The following METTL17 variants were observed in gnomAD, a reference collection of about 807,000 sequenced individuals.
The protein encoded by METTL17 is ribosome assembly protein METTL17, mitochondrial.
METTL17 carries 49 observed loss-of-function variants against 59.4 expected under a neutral mutation model. That is an observed-to-expected ratio of 0.82 (90% CI 0.66 to 1.05). The LOEUF is 1.05. METTL17 is among the 50% of genes least tolerant of loss of function. METTL17 has a pLI of 0.00. For synonymous variants in METTL17, 208 were observed against 209.2 expected (o/e 0.99, Z 0.05); for missense variants, 555 against 578.4 (o/e 0.96, Z 0.41).
chr14:20,995,896 T>C lies in METTL17; in HGVS notation c.946-5T>C. ...CTTTATTTCTTTTATTTCCTTTGAT[T>C]TCAGGGAAAAGAGAAGTCACCTTTG... On this transcript the variant is annotated splice_polypyrimidine_tract_variant and splice_region_variant and intron_variant, in intron 10 of 13. Transcript: ENST00000339374. The C allele has an allele frequency of 5.6e-6, 9 of 1,613,932 alleles. No homozygotes were observed. The highest frequency in any genetic ancestry group is 1.1e-5 in the South Asian group (1 of 91,076).
rs1321281227 is a variant in METTL17, at chr14:20,996,585, A to G, written c.1139A>G (p.Glu380Gly). ...GTGATCCTTGCTCGGGGGTCTCCAGAGGAGGCTCATCGCTGGCCCCGTATC... is the reference window on the plus strand; with the variant it reads ...GTGATCCTTGCTCGGGGGTCTCCAGGGGAGGCTCATCGCTGGCCCCGTATC... ...SMVILARGSP[E>G]EAHRWPRITQ... is the part of the protein sequence containing the mutation. Residue 380 changes from glutamate to glycine, a missense_variant, in exon 13 of 14, where the codon GAG becomes GGG. Physicochemically the swap from Glu to Gly is moderately conservative, Grantham distance 98 (BLOSUM62 -2). Coordinates refer to ENST00000339374, the MANE Select transcript of METTL17 (RefSeq NM_022734.3). The G allele has an allele frequency of 1.2e-6, 2 of 1,614,130 alleles. No individual in the cohort carries two copies. The highest frequency in any genetic ancestry group is 1.7e-6 in the Non-Finnish European group (2 of 1,180,056).
chr14:20,996,003 C>T (rs1428924142), intron 11 of METTL17, 52 bp downstream of exon 11: 1 of 1,587,038 alleles, frequency 6.3e-7, no homozygotes, highest in African/African-American at 1.3e-5. Context: ...TTAGGCGTGG[C>T]CGGGAAATGT....
In METTL17 at chr14:20,994,576, G is replaced by C. The variant is rs1206323751; in HGVS notation, c.731G>C (p.Gly244Ala). The C allele has an allele frequency of 6.2e-7, 1 of 1,614,178 alleles. No individual in the cohort carries two copies. Among genetic ancestry groups the C allele is most frequent in the East Asian group, 2.2e-5 (1 of 44,884 alleles). Residue 244 changes from glycine to alanine, a missense_variant, in exon 8 of 14, where the codon GGT becomes GCT. Coordinates refer to ENST00000339374, the MANE Select transcript of METTL17 (RefSeq NM_022734.3). ...GSESGEPYIP[G>A]VFFRQFLPVS... is the part of the protein sequence containing the mutation. ...GAATCTGGGGAGCCTTATATTCCAG[G>C]TGTCTTTTTCAGACAGTTTCTACCT...
chr14:20,996,503 C>T, intron 12 of METTL17, 24 bp from the exon 13 acceptor site: 2 of 1,590,466 alleles, frequency 1.3e-6, no homozygotes, highest in Non-Finnish European at 1.7e-6. Context: ...TTCTTCTAAA[C>T]AGTCTCTATG....
In METTL17 at chr14:20,992,625, G is replaced by A; in HGVS notation, c.528+3G>A. On this transcript the variant is annotated splice_donor_region_variant and intron_variant, in intron 5 of 13. Coordinates refer to ENST00000339374, the MANE Select transcript of METTL17 (RefSeq NM_022734.3). The stretch of plus-strand genomic sequence containing the variant: ...CAGTCTCCAGAGCATTCCATGAGGT[G>A]AAAGTCCCTTAACTTCCAACCTGAA... 1.9e-6 allele frequency: 3 copies of A among 1,611,644 alleles called. No individual in the cohort carries two copies. Among genetic ancestry groups the A allele is most frequent in the Non-Finnish European group, 2.5e-6 (3 of 1,178,198 alleles).
Position 20,996,261 on chromosome 14 carries a change from C to T in METTL17, c.1049C>T (p.Ser350Leu). 6.2e-7 allele frequency: 1 copy of T among 1,614,146 alleles called. No homozygotes were observed. Residue 350 changes from serine (S) to leucine (L), a missense_variant, in exon 12 of 14, where the codon TCA becomes TTA. Coordinates refer to ENST00000339374, the MANE Select transcript of METTL17 (RefSeq NM_022734.3). ...PQLTNLACSF[S>L]QAYHPIPFSW... is the part of the protein sequence containing the mutation. ...TTGACCAACCTGGCCTGTAGCTTCT[C>T]ACAGGCGTACCATCCCATCCCCTTC...
In METTL17 at chr14:20,994,912, A is replaced by G; in HGVS notation, c.876+11A>G. The G allele has an allele frequency of 1.2e-6, 2 of 1,601,660 alleles. No individual in the cohort carries two copies. The highest frequency in any genetic ancestry group is 1.7e-5 in the Admixed American group (1 of 59,444). On this transcript the variant is annotated intron_variant, in intron 9 of 13. Coordinates refer to ENST00000339374, the MANE Select transcript of METTL17 (RefSeq NM_022734.3). ...ACAGGTCATTTCCTGGTGAGTTAAAATTCCTTGTTCTCCTTAAGTCTTGAA... is the reference window on the plus strand; with the variant it reads ...ACAGGTCATTTCCTGGTGAGTTAAAGTTCCTTGTTCTCCTTAAGTCTTGAA...
intron 1 of METTL17, 25 bp downstream of exon 1, chr14:20,990,102 C>A: frequency 6.2e-7 from 1 of 1,612,526 alleles, no homozygotes; most frequent in South Asian, 1.1e-5. Flanking sequence ...TCCCTGCTGT[C>A]GGAGAGACTC....
At chr14:20,993,753 A>G (rs56307900) in intron 6 of METTL17, 23,102 of 347,276 alleles carry the variant, frequency 0.067, 991 homozygotes, top group Middle Eastern at 0.081. Flanking sequence ...GATTACAAGC[A>G]TGAGCCACTG....
intron 6 of METTL17, 78 bp from the exon 7 acceptor site, chr14:20,993,890 GT>G: frequency 1.1e-6 from 1 of 914,548 alleles, no homozygotes; most frequent in Non-Finnish European, 1.8e-6. Context: ...CAGGGGTGGG[GT>G]TGGGTGTAAA....
intron 8 of METTL17, 30 bp from the exon 9 acceptor site, chr14:20,994,764 G>C (rs1880259868): frequency 6.3e-7 from 1 of 1,578,370 alleles, no homozygotes; most frequent in Non-Finnish European, 8.7e-7. Flanking sequence ...GAGATGTTGA[G>C]TCTGTCATGT....
Position 20,995,192 on chromosome 14 carries a change from G to C in METTL17, c.904G>C (p.Gly302Arg), listed in dbSNP as rs1182134742. ...ACTGGTGGAGAATGGAACAAAAGCT[G>C]GGCACAGCCTTCTCATGGATGCCAG... is the stretch of plus-strand genomic sequence containing the variant. ...LVLVENGTKA[G>R]HSLLMDARDL... is the part of the protein sequence containing the mutation. The change falls in exon 10 of 14, where the codon GGG becomes CGG. Residue 302 changes from glycine to arginine, a missense_variant. Coordinates refer to ENST00000339374, the MANE Select transcript of METTL17 (RefSeq NM_022734.3). 6.2e-7 allele frequency: 1 copy of C among 1,614,172 alleles called. No individual in the cohort carries two copies.
intron 7 of METTL17, among the ~76,000 whole-genome samples, 173 bp downstream of exon 7, chr14:20,994,236 G>T (rs1413056985): frequency 1.3e-5 from 2 of 151,662 alleles, no homozygotes; most frequent in Non-Finnish European, 2.9e-5. Context: ...GACTGAGGAT[G>T]GGTTGGGTAA....
In METTL17 at chr14:20,996,991, G is replaced by T. The variant is rs567759541; in HGVS notation, c.*101G>T. ...CTGGTATCCCCATATGTCTGTGTTTGTTTGAGATTTTTAATAATAAATAAT... is the reference window on the plus strand; with the variant it reads ...CTGGTATCCCCATATGTCTGTGTTTTTTTGAGATTTTTAATAATAAATAAT... On this transcript the variant is annotated 3_prime_UTR_variant, in exon 14 of 14. Transcript: ENST00000339374. 63 of 1,195,732 alleles carry T rather than the reference G, an allele frequency of 5.3e-5. No individual in the cohort carries two copies. The East Asian group carries it at 7.7e-4, about 15-fold the overall frequency. The allele number at this position is 1,195,732 out of a possible 1,614,324, so 74.1% of individuals were successfully genotyped here. A position where few individuals can be genotyped will look rare whatever the true frequency, so the allele number is the denominator to read the frequency against.
At position 20,989,994 on chromosome 14, in the gene METTL17, TC is replaced by T; in HGVS notation, c.-7del. ...CCTGTATTTCCGTTTCCGGTTCGCC[TC>T]CGGAGCCATGGCGGCGGCACTGAAG... On this transcript the variant is annotated 5_prime_UTR_variant, in exon 1 of 14. Coordinates refer to ENST00000339374, the MANE Select transcript of METTL17 (RefSeq NM_022734.3). 6.3e-7 allele frequency: 1 copy of T among 1,585,938 alleles called. No individual in the cohort carries two copies. The highest frequency in any genetic ancestry group is 8.6e-7 in the Non-Finnish European group (1 of 1,163,612).
chr14:20,993,202 T>G lies in METTL17; in HGVS notation c.602+11T>G, dbSNP rs1880134647. On this transcript the variant is annotated intron_variant, in intron 6 of 13. Coordinates refer to ENST00000339374, the MANE Select transcript of METTL17 (RefSeq NM_022734.3). ...TGGTTCTGTCACCTGGTGAGTAACT[T>G]TCTTCAGCCCTATCTTGGTCAATTT... 10 of 1,613,180 alleles carry G rather than the reference T, an allele frequency of 6.2e-6. No homozygotes were observed. The highest frequency in any genetic ancestry group is 8.5e-6 in the Non-Finnish European group (10 of 1,179,174).
chr14:20,996,464 G>A, intron 12 of METTL17, 63 bp from the exon 13 acceptor site: 2 of 1,556,100 alleles, frequency 1.3e-6, no homozygotes, highest in Admixed American at 1.8e-5. Context: ...GGGAAGAAGG[G>A]ACTGTACAAA....
At position 20,993,720 on chromosome 14, in the gene METTL17, A is replaced by G. The variant is rs527300759; in HGVS notation, c.603-249A>G. 7.7e-4 allele frequency: 219 copies of G among 282,814 alleles called. 3 individuals are homozygous for G. Among genetic ancestry groups the G allele is most frequent in the South Asian group, 3.9e-3 (67 of 17,110 alleles). The allele number at this position is 282,814 out of a possible 1,614,324, so 17.5% of individuals were successfully genotyped here. ...TAACTCCTGACCTTGTGATCCGCCCACCTTGGCCTCCCAAAGTGCTGGGAT... is the reference window on the plus strand; with the variant it reads ...TAACTCCTGACCTTGTGATCCGCCCGCCTTGGCCTCCCAAAGTGCTGGGAT... On this transcript the variant is annotated intron_variant, in intron 6 of 13. Transcript: ENST00000339374.
intron 6 of METTL17, 32 bp from the exon 7 acceptor site, chr14:20,993,937 A>C: frequency 6.5e-7 from 1 of 1,546,860 alleles, no homozygotes; most frequent in Non-Finnish European, 8.9e-7. Context: ...GGTCATGGGA[A>C]TTGGTGATTT....
Sources: allele counts gnomAD v4.1 joint callset (sites outside exome capture counted in the v4.1 genomes callset), GRCh38; gene constraint gnomAD v4.1.1; transcripts MANE v1.5; gene names NCBI Gene and HGNC (gene_info 2026-07-23, HGNC 2026-07-21).